The following IDO2 variants were observed in gnomAD, a reference collection of about 807,000 sequenced individuals.
IDO2 encodes indoleamine 2,3-dioxygenase-like 1 protein.
A neutral mutation model predicts 45.1 loss-of-function variants in IDO2; 46 were observed. The observed-to-expected ratio is 1.02, with a 90% CI of 0.80 to 1.30. The LOEUF (loss-of-function observed/expected upper bound fraction) is 1.30. Ranked by LOEUF, IDO2 falls within the 50% of genes most tolerant of loss-of-function variation. IDO2 has a pLI of 0.00. For synonymous variants in IDO2, 218 were observed against 184.9 expected (o/e 1.18, Z -1.45); for missense variants, 544 against 491.8 (o/e 1.11, Z -1.00).
chr8:39,943,385 C>G (rs1021937392), intron 1 of IDO2, among the ~76,000 whole-genome samples: 1 of 151,590 alleles, frequency 6.6e-6, no homozygotes, highest in African/African-American at 2.4e-5. Context: ...CAAACAAACA[C>G]TCTTAAGAAA....
At chr8:39,972,452 A>C (rs138656970) in intron 3 of IDO2, among the ~76,000 whole-genome samples, 2 of 152,006 alleles carry the variant, frequency 1.3e-5, no homozygotes, top group African/African-American at 4.8e-5. Context: ...TCTACTAAAA[A>C]TACAAAAATT....
intron 1 of IDO2, among the ~76,000 whole-genome samples, chr8:39,947,772 GTTCAAGTGCTATTTCTT>G (rs1807760000): frequency 6.8e-6 from 1 of 147,066 alleles, no homozygotes; most frequent in Non-Finnish European, 1.5e-5. Flanking sequence ...TTAAATTTAT[GTTCAAGTGCTATTTCTT>G]TTTTTTTTTT....
chr8:39,971,859 A>G (rs1158537046), intron 3 of IDO2, among the ~76,000 whole-genome samples: 2 of 151,842 alleles, frequency 1.3e-5, no homozygotes, highest in Non-Finnish European at 2.9e-5. Context: ...CCCAAGCTGG[A>G]GTGCAGTGGC....
chr8:40,001,602 G>GT (rs1427495400), intron 8 of IDO2, among the ~76,000 whole-genome samples: 3 of 151,540 alleles, frequency 2.0e-5, no homozygotes, highest in African/African-American at 4.8e-5. Context: ...TTTTTTTAAT[G>GT]TTTTTTGTAC....
chr8:39,995,514 T>C (rs1195078041), intron 8 of IDO2, among the ~76,000 whole-genome samples: 3 of 151,904 alleles, frequency 2.0e-5, no homozygotes, highest in Non-Finnish European at 4.4e-5. Context: ...ACTCCTGACC[T>C]CAAGTGATCC....
chr8:39,965,319 C>T (rs976405438), intron 3 of IDO2, among the ~76,000 whole-genome samples: 7 of 152,108 alleles, frequency 4.6e-5, no homozygotes, highest in African/African-American at 1.4e-4. Context: ...AACCATGTCT[C>T]TACTAAAAAT....
intron 1 of IDO2, among the ~76,000 whole-genome samples, chr8:39,941,794 G>T (rs1283858083): frequency 3.9e-5 from 6 of 152,048 alleles, no homozygotes; most frequent in Admixed American, 2.6e-4. Flanking sequence ...ATGATTCTAA[G>T]AAATGAATGG....
chr8:39,941,437 A>G (rs13248917), intron 1 of IDO2, among the ~76,000 whole-genome samples: 53,260 of 152,016 alleles, frequency 0.35, 11,406 homozygotes, highest in Non-Finnish European at 0.48. Context: ...GTCTTGCTAG[A>G]AAGGTGCTTA....
chr8:39,990,225 T>C (rs1808480656), intron 8 of IDO2, among the ~76,000 whole-genome samples: 1 of 152,132 alleles, frequency 6.6e-6, no homozygotes, highest in Admixed American at 6.5e-5. Flanking sequence ...TAATGCCCCT[T>C]TTATTCTAAC....
chr8:39,948,407 T>C (rs987080821), intron 1 of IDO2, among the ~76,000 whole-genome samples: 11 of 152,184 alleles, frequency 7.2e-5, no homozygotes, highest in Non-Finnish European at 1.3e-4. Flanking sequence ...TTATCAAACC[T>C]GGAACATGGC....
chr8:39,973,411 A>T lies in IDO2; in HGVS notation c.196-5656A>T, dbSNP rs144762641. Among the ~76,000 whole-genome samples, 84 of 152,202 alleles carry T rather than the reference A, an allele frequency of 5.5e-4. 1 individual carries two copies. Among genetic ancestry groups the T allele is most frequent in the Middle Eastern group, 3.4e-3 (1 of 294 alleles). On this transcript the variant is annotated intron_variant, in intron 3 of 10. Coordinates refer to ENST00000502986, the Ensembl canonical transcript of IDO2. Reference sequence around the variant, plus strand: ...GCCCAGATAAATACCCTTCTCCAATAACAGGAGCCTGGTCTTCTTGAAGAA... The same window carrying T: ...GCCCAGATAAATACCCTTCTCCAATTACAGGAGCCTGGTCTTCTTGAAGAA...
At chr8:39,996,244 G>A (rs112313912) in intron 8 of IDO2, among the ~76,000 whole-genome samples, 11 of 152,314 alleles carry the variant, frequency 7.2e-5, no homozygotes, top group African/African-American at 1.7e-4. Context: ...GTCTCCCTGT[G>A]ATGCTGTGCT....
At chr8:39,972,609 CAAAAAAAAAAAA>C (rs35394460) in intron 3 of IDO2, among the ~76,000 whole-genome samples, 2 of 34,550 alleles carry the variant, frequency 5.8e-5, no homozygotes, top group African/African-American at 1.2e-4. Context: ...GACTCCATCT[CAAAAAAAAAAAA>C]AAAAAAAAAA....
At chr8:39,999,591 CT>C (rs990280740) in intron 8 of IDO2, among the ~76,000 whole-genome samples, 2 of 151,238 alleles carry the variant, frequency 1.3e-5, no homozygotes, top group African/African-American at 4.9e-5. Context: ...AATTTTTAAA[CT>C]TTTTATTTTT....
intron 9 of IDO2, among the ~76,000 whole-genome samples, chr8:40,012,236 C>T (rs1175284572): frequency 1.3e-5 from 2 of 152,172 alleles, no homozygotes; most frequent in Admixed American, 1.3e-4. Context: ...CAATGTGGAT[C>T]TGCTGTTTAA....
chr8:39,974,801 G>T (rs1281987592), intron 3 of IDO2, among the ~76,000 whole-genome samples: 2 of 152,132 alleles, frequency 1.3e-5, no homozygotes, highest in Non-Finnish European at 2.9e-5. Context: ...CGCACCTGTA[G>T]TCCCATCTAC....
At chr8:39,964,799 G>T (rs757186708) in intron 3 of IDO2, among the ~76,000 whole-genome samples, 48 of 152,278 alleles carry the variant, frequency 3.2e-4, no homozygotes, top group Non-Finnish European at 6.2e-4. Context: ...ATAGAGAAAA[G>T]TTCCAATGAT....
At chr8:40,005,777 C>T (rs1160433117) in intron 9 of IDO2, among the ~76,000 whole-genome samples, 1 of 152,116 alleles carries the variant, frequency 6.6e-6, no homozygotes, top group Non-Finnish European at 1.5e-5. Context: ...TCTAAAGTTC[C>T]TGGAAGAGCT....
chr8:39,988,000 T>G lies in IDO2; in HGVS notation c.549+30T>G, dbSNP rs755479795. ...CTTCTCACTTGATAGCACCTTTTCT[T>G]TTTAAATGAGCTTGAGCTTTACTTC... On this transcript the variant is annotated intron_variant, in intron 7 of 10. Coordinates refer to ENST00000502986, the Ensembl canonical transcript of IDO2. The G allele has an allele frequency of 2.3e-6, 3 of 1,331,764 alleles. No individual in the cohort carries two copies. The South Asian group carries it at 3.7e-5, about 17-fold the overall frequency. 82.5% of individuals were successfully genotyped at this position (1,331,764 alleles called of 1,614,324 possible). A position where few individuals can be genotyped will look rare whatever the true frequency, so the allele number is the denominator to read the frequency against.
Sources: allele counts gnomAD v4.1 joint callset (sites outside exome capture counted in the v4.1 genomes callset), GRCh38; gene constraint gnomAD v4.1.1; transcripts MANE v1.5; gene names NCBI Gene and HGNC (gene_info 2026-07-23, HGNC 2026-07-21).